The following CADPS2 variants were observed in gnomAD, a reference collection of about 807,000 sequenced individuals.
CADPS2 encodes the protein calcium dependent secretion activator 2.
CADPS2 carries 93 observed loss-of-function variants against 172.5 expected under a neutral mutation model. The ratio of observed to expected loss-of-function variants is 0.54; its 90% CI spans 0.46 to 0.64. CADPS2 has a LOEUF of 0.64. Among genes scored for constraint, CADPS2 ranks in the 30% least tolerant of loss-of-function variants. The pLI, the probability that CADPS2 is intolerant of heterozygous loss-of-function variation, is 0.00. For synonymous variants in CADPS2, 546 were observed against 555.2 expected (o/e 0.98, Z 0.23); for missense variants, 1,420 against 1,565.9 (o/e 0.91, Z 1.57).
chr7:122,632,016 T>A (rs1311937701), intron 3 of CADPS2, among the ~76,000 whole-genome samples: 1 of 152,190 alleles, frequency 6.6e-6, no homozygotes, highest in Non-Finnish European at 1.5e-5. Context: ...GCAAAGAATA[T>A]GATTTCATTC....
chr7:122,821,078 G>A (rs963444001), intron 1 of CADPS2, among the ~76,000 whole-genome samples: 2 of 151,674 alleles, frequency 1.3e-5, no homozygotes, highest in East Asian at 1.9e-4. Context: ...CACAATTACT[G>A]TTGTTCCTGG....
At chr7:122,387,892 T>C (rs2043882070) in intron 23 of CADPS2, among the ~76,000 whole-genome samples, 1 of 152,050 alleles carries the variant, frequency 6.6e-6, no homozygotes, top group African/African-American at 2.4e-5. Context: ...GTTTCAAGAT[T>C]TCAGAAATAT....
intron 19 of CADPS2, chr7:122,407,940 A>G (rs924892551): frequency 1.9e-5 from 8 of 422,450 alleles, no homozygotes; most frequent in Non-Finnish European, 2.9e-5. Context: ...TTCCTTTATA[A>G]AAGAAATACA....
intron 2 of CADPS2, among the ~76,000 whole-genome samples, chr7:122,732,714 TTATA>T (rs1381853872): frequency 2.8e-5 from 4 of 144,436 alleles, no homozygotes; most frequent in African/African-American, 5.0e-5. Flanking sequence ...TTATATATAA[TTATA>T]TATTACATAT....
At position 122,491,566 on chromosome 7, in the gene CADPS2, C is replaced by G. The variant is rs539905456; in HGVS notation, c.1543-146G>C. On this transcript the variant is annotated intron_variant, in intron 9 of 29. Transcript: ENST00000449022. The stretch of plus-strand genomic sequence containing the variant: ...ATTAAATTTTAGCATTTTTCAAAAC[C>G]TAGCTCAGAGATTCAAGCACCTTTC... 1.3e-5 allele frequency: 7 copies of G among 550,426 alleles called. No individual in the cohort carries two copies. The African/African-American group carries it at 1.3e-4, about 11-fold the overall frequency. The allele number at this position is 550,426 out of a possible 1,614,324, so 34.1% of individuals were successfully genotyped here.
At chr7:122,636,470 T>G (rs932285651) in intron 3 of CADPS2, among the ~76,000 whole-genome samples, 4 of 146,384 alleles carry the variant, frequency 2.7e-5, no homozygotes, top group Non-Finnish European at 4.5e-5. Context: ...ATGTTTTTTT[T>G]TTTTTTTTTT....
intron 24 of CADPS2, chr7:122,386,267 T>C: frequency 7.2e-7 from 1 of 1,388,408 alleles, no homozygotes; most frequent in Non-Finnish European, 9.5e-7. Flanking sequence ...AAATGAAATG[T>C]GCTTTTAGAA....
intron 1 of CADPS2, among the ~76,000 whole-genome samples, chr7:122,848,905 C>G (rs949798780): frequency 6.9e-6 from 1 of 145,104 alleles, no homozygotes; most frequent in Admixed American, 7.0e-5. Context: ...GAAGACTTTA[C>G]TAAGAAAAAA....
chr7:122,653,046 G>C (rs891150631), intron 3 of CADPS2, among the ~76,000 whole-genome samples: 6 of 152,092 alleles, frequency 3.9e-5, no homozygotes, highest in African/African-American at 1.4e-4. Context: ...CTGGAACAAA[G>C]GATATTACCA....
intron 28 of CADPS2, among the ~76,000 whole-genome samples, chr7:122,336,923 A>G (rs1322467644): frequency 6.6e-6 from 1 of 152,172 alleles, no homozygotes; most frequent in Non-Finnish European, 1.5e-5. Context: ...AAATCTAAAG[A>G]GCATCAGCAA....
At chr7:122,844,887 C>T (rs1811551895) in intron 1 of CADPS2, among the ~76,000 whole-genome samples, 3 of 149,942 alleles carry the variant, frequency 2.0e-5, no homozygotes, top group South Asian at 2.1e-4. Flanking sequence ...CTTAAAACAA[C>T]ATCAAAATGA....
Position 122,473,117 on chromosome 7 carries a change from C to T in CADPS2, c.1998+1264G>A, listed in dbSNP as rs567642429. On this transcript the variant is annotated intron_variant, in intron 13 of 29. Coordinates refer to ENST00000449022, the MANE Select transcript of CADPS2 (RefSeq NM_017954.11). ...AGTTCAGCCTAAAGGTTTCTCTATA[C>T]ATTGTGAATTATAAACTAAATGGAG... is the stretch of plus-strand genomic sequence containing the variant. 6.6e-5 allele frequency among the ~76,000 whole-genome samples: 10 copies of T among 152,254 alleles called. 1 individual carries two copies. Among genetic ancestry groups the T allele is most frequent in the Admixed American group, 3.3e-4 (5 of 15,282 alleles).
chr7:122,621,055 A>C (rs2075550396), intron 5 of CADPS2, among the ~76,000 whole-genome samples: 1 of 151,760 alleles, frequency 6.6e-6, no homozygotes, highest in Non-Finnish European at 1.5e-5. Flanking sequence ...ACACGCTCAC[A>C]TCATCATGAC....
chr7:122,824,860 C>A (rs532106438), intron 1 of CADPS2, among the ~76,000 whole-genome samples: 1 of 152,114 alleles, frequency 6.6e-6, no homozygotes, highest in Admixed American at 6.6e-5. Flanking sequence ...ATGTGAGGAA[C>A]ACATCTAGTT....
At chr7:122,612,178 T>C (rs971256198) in intron 6 of CADPS2, among the ~76,000 whole-genome samples, 2 of 152,000 alleles carry the variant, frequency 1.3e-5, no homozygotes, top group African/African-American at 4.8e-5. Context: ...TTACCACTTA[T>C]AGTCAACATT....
intron 15 of CADPS2, among the ~76,000 whole-genome samples, chr7:122,449,271 A>C (rs1390990392): frequency 6.6e-6 from 1 of 152,180 alleles, no homozygotes; most frequent in Non-Finnish European, 1.5e-5. Context: ...AAAGATACAT[A>C]AAATACATTT....
intron 1 of CADPS2, among the ~76,000 whole-genome samples, chr7:122,743,131 T>C (rs981566186): frequency 6.6e-6 from 1 of 152,148 alleles, no homozygotes; most frequent in African/African-American, 2.4e-5. Context: ...AAAACTAAAT[T>C]GCAGAAACTT....
chr7:122,656,563 G>A (rs181232533), intron 3 of CADPS2, among the ~76,000 whole-genome samples: 1 of 152,128 alleles, frequency 6.6e-6, no homozygotes, highest in Non-Finnish European at 1.5e-5. Context: ...ACTTATGAAG[G>A]TTACAGGTCC....
intron 9 of CADPS2, among the ~76,000 whole-genome samples, chr7:122,507,507 T>A (rs2059695390): frequency 6.6e-6 from 1 of 152,144 alleles, no homozygotes. Context: ...AGGAAAGAGC[T>A]GCAGAAGTCA....
Sources: allele counts gnomAD v4.1 joint callset (sites outside exome capture counted in the v4.1 genomes callset), GRCh38; gene constraint gnomAD v4.1.1; transcripts MANE v1.5; gene names NCBI Gene and HGNC (gene_info 2026-07-23, HGNC 2026-07-21).